RSPO2: variants seen among roughly 807,000 people sequenced by gnomAD.
RSPO2 encodes R-spondin 2, also known as R-spondin-2.
In RSPO2, 14 loss-of-function variants were observed where a neutral mutation model predicts 30.9. The ratio of observed to expected loss-of-function variants is 0.45; its 90% CI spans 0.30 to 0.71. The LOEUF (loss-of-function observed/expected upper bound fraction) is 0.71, where lower values mean the gene tolerates loss of function less well. Ranked by LOEUF, RSPO2 falls within the 30% of genes least tolerant of loss-of-function variation. The pLI, the probability that RSPO2 is intolerant of heterozygous loss-of-function variation, is 0.08. For synonymous variants in RSPO2, 107 were observed against 96.4 expected (o/e 1.11, Z -0.64); for missense variants, 264 against 301.9 (o/e 0.87, Z 0.93).
At chr8:108,076,970 G>A (rs1044856616) in intron 2 of RSPO2, among the ~76,000 whole-genome samples, 2 of 152,188 alleles carry the variant, frequency 1.3e-5, no homozygotes, top group East Asian at 3.9e-4. Flanking sequence ...AAAGGAAAGA[G>A]GTGATAAGAT....
chr8:107,983,070 TG>T, intron 3 of RSPO2: 1 of 1,287,082 alleles, frequency 7.8e-7, no homozygotes, highest in Non-Finnish European at 1.1e-6. Flanking sequence ...CCATGTTCCC[TG>T]GCACCACTAC....
In RSPO2 at chr8:107,901,171, C is replaced by T. The variant is rs776570995; in HGVS notation, c.636G>A (p.Ala212=). Residue 212 remains alanine (A), a synonymous_variant, in exon 6 of 6, where the codon GCG becomes GCA. Transcript: ENST00000276659. The stretch of plus-strand genomic sequence containing the variant: ...TCTTTTTCTTGTTCCTCTTCTCCTT[C>T]GCCTTTGGTGTTCTCTTCCCTGCAA... The part of the protein sequence containing the change: ...HCPGGKRTPK[A]KEKRNKKKKR... 33 of 1,613,564 alleles carry T rather than the reference C, an allele frequency of 2.0e-5. No homozygotes were observed. The highest frequency in any genetic ancestry group is 2.2e-5 in the East Asian group (1 of 44,884).
chr8:108,075,289 T>C (rs1268084141), intron 2 of RSPO2, among the ~76,000 whole-genome samples: 1 of 152,186 alleles, frequency 6.6e-6, no homozygotes, highest in Non-Finnish European at 1.5e-5. Context: ...AAGACCAGCC[T>C]GGCCAACATG....
At chr8:107,993,763 T>C (rs1184408447) in intron 2 of RSPO2, among the ~76,000 whole-genome samples, 1 of 152,206 alleles carries the variant, frequency 6.6e-6, no homozygotes, top group Non-Finnish European at 1.5e-5. Context: ...TCAAGGACTC[T>C]GGCAAATCCT....
At chr8:107,983,046 C>T (rs542289962) in intron 3 of RSPO2, 3 of 1,130,036 alleles carry the variant, frequency 2.7e-6, no homozygotes, top group Non-Finnish European at 2.5e-6. Context: ...TGTCACGCTC[C>T]CCTGCAGTCC....
intron 2 of RSPO2, among the ~76,000 whole-genome samples, chr8:108,074,723 C>T (rs933459329): frequency 1.3e-5 from 2 of 152,094 alleles, no homozygotes; most frequent in East Asian, 1.9e-4. Context: ...TGAAACATAC[C>T]GTGTACAGGA....
chr8:108,005,353 C>T (rs1815417874), intron 2 of RSPO2, among the ~76,000 whole-genome samples: 1 of 152,018 alleles, frequency 6.6e-6, no homozygotes, highest in Non-Finnish European at 1.5e-5. Context: ...GTATAAATAT[C>T]CTGCTGTTCA....
chr8:107,978,883 C>T (rs76314520), intron 3 of RSPO2, among the ~76,000 whole-genome samples: 3 of 150,344 alleles, frequency 2.0e-5, no homozygotes, highest in South Asian at 2.1e-4. Flanking sequence ...TATGAACAGA[C>T]ACTTCTCAAA....
At chr8:107,907,188 G>A (rs998677734) in intron 5 of RSPO2, among the ~76,000 whole-genome samples, 1 of 151,908 alleles carries the variant, frequency 6.6e-6, no homozygotes, top group South Asian at 2.1e-4. Context: ...CAGAAGTGAG[G>A]GTAAGGTGGA....
At chr8:108,025,300 A>G (rs889202710) in intron 2 of RSPO2, among the ~76,000 whole-genome samples, 10 of 152,168 alleles carry the variant, frequency 6.6e-5, no homozygotes, top group African/African-American at 2.4e-4. Flanking sequence ...AAGAGAATGT[A>G]AAAATCCACC....
rs79239736 is a variant in RSPO2 at position 108,076,838 on chromosome 8, G to A, written c.94+5707C>T. Reference sequence around the variant, plus strand: ...AAATGACAGTTCGAGAAACAGGGACGGGTAAAATTCCCCAAGGAAATGAAT... The same window carrying A: ...AAATGACAGTTCGAGAAACAGGGACAGGTAAAATTCCCCAAGGAAATGAAT... On this transcript the variant is annotated intron_variant, in intron 2 of 5. Transcript: ENST00000276659. 5.1e-3 allele frequency among the ~76,000 whole-genome samples: 778 copies of A among 152,210 alleles called. 10 individuals carry two copies. Among genetic ancestry groups the A allele is most frequent in the Admixed American group, 0.016 (243 of 15,290 alleles).
intron 2 of RSPO2, chr8:107,997,294 A>C: frequency 6.4e-6 from 1 of 155,650 alleles, no homozygotes; most frequent in South Asian, 2.0e-4. Flanking sequence ...TTTTGTCAGG[A>C]TCTTCATAAG....
chr8:107,954,487 T>C (rs183672929), intron 5 of RSPO2, among the ~76,000 whole-genome samples: 22 of 152,374 alleles, frequency 1.4e-4, no homozygotes, highest in Admixed American at 3.9e-4. Context: ...GAGACAGTTA[T>C]ATCTGCCATG....
chr8:108,065,438 T>C (rs553787464), intron 2 of RSPO2, among the ~76,000 whole-genome samples: 23 of 152,194 alleles, frequency 1.5e-4, no homozygotes, highest in Admixed American at 6.5e-4. Context: ...AAATGTATAA[T>C]GAGCCCTTTA....
chr8:108,041,928 G>A (rs545783697), intron 2 of RSPO2, among the ~76,000 whole-genome samples: 1 of 152,070 alleles, frequency 6.6e-6, no homozygotes, highest in African/African-American at 2.4e-5. Context: ...GGTCCATTTA[G>A]AATCCTGGGT....
chr8:108,081,552 T>A (rs894709973), intron 2 of RSPO2, among the ~76,000 whole-genome samples: 14 of 152,158 alleles, frequency 9.2e-5, no homozygotes, highest in Admixed American at 6.5e-4. Context: ...GTGCGTGTGG[T>A]GAGTGGTTTA....
chr8:108,041,549 TAAG>T (rs1452686003), intron 2 of RSPO2, among the ~76,000 whole-genome samples: 1 of 152,108 alleles, frequency 6.6e-6, no homozygotes, highest in African/African-American at 2.4e-5. Flanking sequence ...AAGCAGCTTT[TAAG>T]AAGACAGTGG....
At chr8:107,941,493 T>C (rs1293505860) in intron 5 of RSPO2, among the ~76,000 whole-genome samples, 2 of 152,200 alleles carry the variant, frequency 1.3e-5, no homozygotes, top group Non-Finnish European at 2.9e-5. Context: ...ATGTAGACCA[T>C]TTTTGTGTTT....
intron 5 of RSPO2, among the ~76,000 whole-genome samples, chr8:107,926,776 C>T (rs1308481976): frequency 6.6e-6 from 1 of 152,168 alleles, no homozygotes; most frequent in Non-Finnish European, 1.5e-5. Flanking sequence ...GGTACCAGTA[C>T]CATGCTGTTT....
Sources: gnomAD v4.1 joint callset for allele counts (sites outside exome capture counted in the v4.1 genomes callset) on GRCh38, gnomAD v4.1.1 for gene constraint, MANE v1.5 for transcripts, NCBI Gene and HGNC (gene_info 2026-07-23, HGNC 2026-07-21) for gene names.